CAB39: variants seen among roughly 807,000 people sequenced by gnomAD.
The protein encoded by CAB39 is calcium binding protein 39.
A neutral mutation model predicts 40.0 loss-of-function variants in CAB39; 8 were observed. That is an observed-to-expected ratio of 0.20 (90% confidence interval 0.12 to 0.36). The LOEUF is 0.36. CAB39 is among the 10% of genes least tolerant of loss of function. The pLI is 1.00. For missense variants in CAB39, 270 were observed against 401.1 expected, an observed-to-expected ratio of 0.67 and a Z score of 2.79; for synonymous variants, 156 against 141.6, an observed-to-expected ratio of 1.10 and a Z score of -0.72.
Position 230,817,834 on chromosome 2 carries a change from A to C in CAB39, c.774A>C (p.Leu258Phe). The stretch of plus-strand genomic sequence containing the variant: ...TCAGTAAACCTGAGAACCTCAAATT[A>C]ATGATGAACCTGCTGCGAGACAAAA... Reference protein sequence around the residue: ...KYISKPENLKLMMNLLRDKSR... With the variant: ...KYISKPENLKFMMNLLRDKSR... Residue 258 changes from leucine to phenylalanine, a missense_variant, in exon 8 of 9, where the codon TTA becomes TTC. Transcript: ENST00000258418. 1.2e-6 allele frequency: 2 copies of C among 1,613,500 alleles called. No homozygotes were observed. Among genetic ancestry groups the C allele is most frequent in the Non-Finnish European group, 1.7e-6 (2 of 1,179,662 alleles).
intron 2 of CAB39, among the ~76,000 whole-genome samples, chr2:230,785,499 ACT>A (rs1387996730): frequency 6.6e-6 from 1 of 150,688 alleles, no homozygotes; most frequent in African/African-American, 2.4e-5. Flanking sequence ...GGGGAGATTG[ACT>A]CTGTGAGGAG....
chr2:230,745,594 C>G (rs2124896981), intron 1 of CAB39, among the ~76,000 whole-genome samples: 1 of 152,192 alleles, frequency 6.6e-6, no homozygotes, highest in East Asian at 1.9e-4. Context: ...GGGGTATGGA[C>G]CAAGCTTTTT....
chr2:230,818,507 T>G lies in CAB39; in HGVS notation c.838-9T>G, dbSNP rs774365236. On this transcript the variant is annotated splice_polypyrimidine_tract_variant and intron_variant, in intron 8 of 8. Coordinates refer to ENST00000258418, the MANE Select transcript of CAB39 (RefSeq NM_016289.4). Reference sequence around the variant, plus strand: ...TCTCTGTGCCTCATGTGCGTTTCTCTCCACGCAGGTGTTTGTAGCCAATCC... The same window carrying G: ...TCTCTGTGCCTCATGTGCGTTTCTCGCCACGCAGGTGTTTGTAGCCAATCC... The G allele has an allele frequency of 6.2e-7, 1 of 1,611,722 alleles. No individual in the cohort carries two copies. Among genetic ancestry groups the G allele is most frequent in the Admixed American group, 1.7e-5 (1 of 59,750 alleles).
chr2:230,812,311 G>A (rs561618792), intron 6 of CAB39, among the ~76,000 whole-genome samples: 7 of 152,264 alleles, frequency 4.6e-5, no homozygotes, highest in African/African-American at 1.7e-4. Context: ...GCTCAACTCC[G>A]ATGCAGTTCC....
chr2:230,718,115 T>C (rs1156505696), intron 1 of CAB39, among the ~76,000 whole-genome samples: 1 of 152,246 alleles, frequency 6.6e-6, no homozygotes, highest in Non-Finnish European at 1.5e-5. Flanking sequence ...AGTGGCAGTT[T>C]GTTTTTATAT....
At chr2:230,765,279 G>A (rs1034385049) in intron 2 of CAB39, among the ~76,000 whole-genome samples, 4 of 152,134 alleles carry the variant, frequency 2.6e-5, no homozygotes, top group Non-Finnish European at 5.9e-5. Flanking sequence ...CTGAGTGCAC[G>A]GTGATGAAGA....
chr2:230,757,943 C>A (rs1695222088), intron 1 of CAB39, among the ~76,000 whole-genome samples: 3 of 152,080 alleles, frequency 2.0e-5, no homozygotes, highest in Admixed American at 6.5e-5. Context: ...AAGAGTGACT[C>A]CCCTAACGTC....
chr2:230,727,661 G>C (rs917570859), intron 1 of CAB39, among the ~76,000 whole-genome samples: 15 of 151,754 alleles, frequency 9.9e-5, no homozygotes, highest in African/African-American at 2.4e-5. Flanking sequence ...TGATCCATTT[G>C]CCTTGGCCTC....
intron 2 of CAB39, among the ~76,000 whole-genome samples, chr2:230,762,272 A>G (rs1036007476): frequency 6.6e-6 from 1 of 152,180 alleles, no homozygotes; most frequent in African/African-American, 2.4e-5. Flanking sequence ...ATGGGGATAT[A>G]AAAATATGAA....
At chr2:230,725,481 C>A in intron 1 of CAB39, 1 of 1,235,310 alleles carries the variant, frequency 8.1e-7, no homozygotes, top group East Asian at 2.4e-5. Context: ...GGATACCTCC[C>A]GTTTAATCTT....
At chr2:230,805,379 C>T (rs538165814) in intron 5 of CAB39, among the ~76,000 whole-genome samples, 22 of 151,736 alleles carry the variant, frequency 1.4e-4, no homozygotes, top group African/African-American at 5.3e-4. Flanking sequence ...TGTACATGTA[C>T]CCTAGAACTT....
intron 5 of CAB39, among the ~76,000 whole-genome samples, chr2:230,799,440 T>C (rs1007645109): frequency 1.3e-5 from 2 of 152,200 alleles, no homozygotes; most frequent in Non-Finnish European, 2.9e-5. Flanking sequence ...ACCCACACTA[T>C]TCAAATCATA....
intron 5 of CAB39, among the ~76,000 whole-genome samples, chr2:230,806,248 AG>A (rs1696191780): frequency 6.6e-6 from 1 of 152,208 alleles, no homozygotes; most frequent in African/African-American, 2.4e-5. Flanking sequence ...GATTGAAATC[AG>A]ACAATAAATG....
chr2:230,746,897 C>T (rs1694986576), intron 1 of CAB39, among the ~76,000 whole-genome samples: 1 of 152,162 alleles, frequency 6.6e-6, no homozygotes, highest in African/African-American at 2.4e-5. Context: ...TATAAAATGA[C>T]TGTTAATATA....
At chr2:230,770,297 A>G (rs1243074779) in intron 2 of CAB39, among the ~76,000 whole-genome samples, 2 of 152,226 alleles carry the variant, frequency 1.3e-5, no homozygotes, top group African/African-American at 4.8e-5. Flanking sequence ...CTGTAGTGAC[A>G]TTACCACAGA....
intron 4 of CAB39, among the ~76,000 whole-genome samples, chr2:230,795,388 G>T (rs1392529762): frequency 6.6e-6 from 1 of 152,128 alleles, no homozygotes. Context: ...TTGAAGCCTG[G>T]ATTGTTTGTT....
At chr2:230,792,672 T>C (rs1193336506) in intron 3 of CAB39, among the ~76,000 whole-genome samples, 2 of 152,224 alleles carry the variant, frequency 1.3e-5, no homozygotes, top group East Asian at 3.8e-4. Context: ...TATTAATCTA[T>C]ATAAAGTCTT....
At chr2:230,733,681 A>G (rs1158205246) in intron 1 of CAB39, among the ~76,000 whole-genome samples, 1 of 152,196 alleles carries the variant, frequency 6.6e-6, no homozygotes, top group African/African-American at 2.4e-5. Flanking sequence ...ATAACTCTAA[A>G]AAAGGACTGT....
chr2:230,721,415 A>AG (rs1166731719), intron 1 of CAB39, among the ~76,000 whole-genome samples: 2 of 152,218 alleles, frequency 1.3e-5, no homozygotes, highest in Non-Finnish European at 2.9e-5. Context: ...TGGGCAACAG[A>AG]GGGAAACTCC....
Sources: allele counts gnomAD v4.1 joint callset (sites outside exome capture counted in the v4.1 genomes callset), GRCh38; gene constraint gnomAD v4.1.1; transcripts MANE v1.5; gene names NCBI Gene and HGNC (gene_info 2026-07-23, HGNC 2026-07-21).